The following C1orf21 variants were observed in gnomAD, a reference collection of about 807,000 sequenced individuals.
C1orf21 encodes the protein uncharacterized protein C1orf21.
Under a neutral mutation model 18.7 loss-of-function variants are expected in C1orf21, and 3 were observed. That is an observed-to-expected ratio of 0.16 (90% CI 0.07 to 0.42). C1orf21 has a LOEUF of 0.42. C1orf21 is among the 10% of genes least tolerant of loss of function. C1orf21 has a pLI of 0.99. For synonymous variants in C1orf21, 41 were observed against 46.4 expected (o/e 0.88, Z 0.47); for missense variants, 104 against 143.6 (o/e 0.72, Z 1.41).
chr1:184,536,603 G>C (rs1449109991), intron 3 of C1orf21, among the ~76,000 whole-genome samples: 3 of 152,204 alleles, frequency 2.0e-5, no homozygotes, highest in Non-Finnish European at 4.4e-5. Context: ...GGGAGGGGTA[G>C]ATATCCGAGG....
At chr1:184,488,892 G>T (rs1299569466) in intron 2 of C1orf21, among the ~76,000 whole-genome samples, 1 of 152,158 alleles carries the variant, frequency 6.6e-6, no homozygotes, top group Non-Finnish European at 1.5e-5. Flanking sequence ...TTGAACCCAG[G>T]AGGCGGAGGT....
chr1:184,507,769 A>G (rs888667539), intron 3 of C1orf21, 87 bp downstream of exon 3: 3 of 1,007,642 alleles, frequency 3.0e-6, no homozygotes, highest in Non-Finnish European at 4.3e-6. Flanking sequence ...TGCAACTTAC[A>G]CACTGGCACA....
intron 3 of C1orf21, among the ~76,000 whole-genome samples, chr1:184,536,813 C>T (rs560093003): frequency 9.5e-5 from 14 of 147,916 alleles, no homozygotes; most frequent in South Asian, 2.1e-4. Flanking sequence ...TTGTAAATTT[C>T]GACAGCATAG....
chr1:184,601,008 G>T (rs1571297083), intron 5 of C1orf21, among the ~76,000 whole-genome samples: 2 of 152,214 alleles, frequency 1.3e-5, no homozygotes, highest in East Asian at 3.9e-4. Context: ...TTGTTTTCCT[G>T]GTCATTTACC....
chr1:184,523,672 G>A (rs373419684), intron 3 of C1orf21, among the ~76,000 whole-genome samples: 1 of 152,110 alleles, frequency 6.6e-6, no homozygotes, highest in Non-Finnish European at 1.5e-5. Context: ...AGAAAGCTAG[G>A]TATGGGGTAT....
chr1:184,572,907 C>T (rs954711544), intron 3 of C1orf21, among the ~76,000 whole-genome samples: 7 of 150,270 alleles, frequency 4.7e-5, no homozygotes, highest in South Asian at 4.2e-4. Flanking sequence ...GCCAAGATCA[C>T]GCCACTGTAC....
intron 3 of C1orf21, among the ~76,000 whole-genome samples, chr1:184,526,470 TCTCTCTTAGCTTGGGTAGAA>T (rs1357262750): frequency 3.3e-5 from 5 of 152,162 alleles, no homozygotes; most frequent in African/African-American, 1.2e-4. Context: ...AGTGCTGAAT[TCTCTCTTAGCTTGGGTAGAA>T]CTTGGCAGGT....
At position 184,621,618 on chromosome 1, in the gene C1orf21, T is replaced by A. The variant is rs1659917234; in HGVS notation, c.*2062T>A. On this transcript the variant is annotated 3_prime_UTR_variant, in exon 6 of 6. Transcript: ENST00000235307. ...TGCTAAACGTCTTCCATTTGACTTC[T>A]CTACTCGGTGTCTCAGACAGTGTCT... The A allele has an allele frequency of 6.6e-6, 1 of 152,388 alleles. No individual in the cohort carries two copies. Among genetic ancestry groups the A allele is most frequent in the Admixed American group, 6.5e-5 (1 of 15,282 alleles). 9.4% of individuals were successfully genotyped at this position (152,388 alleles called of 1,614,324 possible).
chr1:184,603,096 A>G (rs531170580), intron 5 of C1orf21, among the ~76,000 whole-genome samples: 2 of 152,366 alleles, frequency 1.3e-5, no homozygotes, highest in South Asian at 2.1e-4. Flanking sequence ...TTAAGACTCC[A>G]TGGAGCCTGG....
At chr1:184,450,143 T>C (rs768239875) in intron 1 of C1orf21, among the ~76,000 whole-genome samples, 1 of 152,046 alleles carries the variant, frequency 6.6e-6, no homozygotes, top group Non-Finnish European at 1.5e-5. Context: ...GGAGGGAAGG[T>C]GTGGGGTCAC....
At chr1:184,579,371 T>C (rs1325265207) in intron 3 of C1orf21, among the ~76,000 whole-genome samples, 1 of 133,418 alleles carries the variant, frequency 7.5e-6, no homozygotes, top group Non-Finnish European at 1.6e-5. Flanking sequence ...TTTTTTAATA[T>C]AAGCTGGGTT....
chr1:184,441,520 A>G (rs963482351), intron 1 of C1orf21, among the ~76,000 whole-genome samples: 5 of 152,352 alleles, frequency 3.3e-5, no homozygotes, highest in Middle Eastern at 6.8e-3. Flanking sequence ...ATTCCAAAAT[A>G]GGAGGGCAGT....
chr1:184,415,124 C>G (rs1374169828), intron 1 of C1orf21, among the ~76,000 whole-genome samples: 1 of 152,144 alleles, frequency 6.6e-6, no homozygotes, highest in Non-Finnish European at 1.5e-5. Flanking sequence ...GACATTGTTC[C>G]AGGCACTGGA....
chr1:184,502,863 G>T (rs1242226464), intron 2 of C1orf21, among the ~76,000 whole-genome samples: 1 of 151,294 alleles, frequency 6.6e-6, no homozygotes, highest in Admixed American at 6.6e-5. Flanking sequence ...GGATTGCTTG[G>T]GTCCAGGAGT....
intron 1 of C1orf21, among the ~76,000 whole-genome samples, chr1:184,428,401 G>A (rs935078617): frequency 6.6e-6 from 1 of 152,196 alleles, no homozygotes; most frequent in Non-Finnish European, 1.5e-5. Flanking sequence ...GGGACCAGAA[G>A]AAATAATTCT....
chr1:184,512,362 G>A (rs1344205884), intron 3 of C1orf21, among the ~76,000 whole-genome samples: 1 of 152,198 alleles, frequency 6.6e-6, no homozygotes, highest in African/African-American at 2.4e-5. Context: ...TAGCACCTAA[G>A]AGTTCATAGC....
At chr1:184,482,728 G>A (rs759578424) in intron 2 of C1orf21, among the ~76,000 whole-genome samples, 25 of 152,214 alleles carry the variant, frequency 1.6e-4, no homozygotes, top group Non-Finnish European at 2.8e-4. Flanking sequence ...GTGTCTCTGA[G>A]TGTGTGTACA....
intron 5 of C1orf21, among the ~76,000 whole-genome samples, chr1:184,604,281 C>CA (rs1659622161): frequency 6.6e-6 from 1 of 152,110 alleles, no homozygotes; most frequent in African/African-American, 2.4e-5. Flanking sequence ...ACTGTCACGT[C>CA]AAAACCTAAA....
chr1:184,390,876 A>G (rs907501800), intron 1 of C1orf21, among the ~76,000 whole-genome samples: 12 of 152,236 alleles, frequency 7.9e-5, no homozygotes, highest in African/African-American at 2.9e-4. Context: ...CACAAAAAGC[A>G]GATTGCAATA....
Sources: gnomAD v4.1 joint callset for allele counts (sites outside exome capture counted in the v4.1 genomes callset) on GRCh38, gnomAD v4.1.1 for gene constraint, MANE v1.5 for transcripts, NCBI Gene and HGNC (gene_info 2026-07-23, HGNC 2026-07-21) for gene names.